The following PLXDC2 variants were observed in gnomAD, a reference collection of about 807,000 sequenced individuals.
The protein encoded by PLXDC2 is plexin domain containing 2, also known as plexin domain-containing protein 2.
Under a neutral mutation model 68.9 loss-of-function variants are expected in PLXDC2, and 40 were observed. The observed-to-expected ratio is 0.58, with a 90% CI of 0.45 to 0.76. The LOEUF (loss-of-function observed/expected upper bound fraction) is 0.76, where lower values mean the gene tolerates loss of function less well. Among genes scored for constraint, PLXDC2 ranks in the 30% least tolerant of loss-of-function variants. The pLI, the probability that PLXDC2 is intolerant of heterozygous loss-of-function variation, is 0.00. For synonymous variants in PLXDC2, 243 were observed against 234.2 expected, an observed-to-expected ratio of 1.04 and a Z score of -0.34; for missense variants, 644 against 661.9, an observed-to-expected ratio of 0.97 and a Z score of 0.30.
chr10:19,900,686 A>G (rs539456753), intron 1 of PLXDC2, among the ~76,000 whole-genome samples: 125 of 151,790 alleles, frequency 8.2e-4, no homozygotes, highest in Middle Eastern at 6.8e-3. Context: ...GTGATTTCTG[A>G]GATTTTGGTG....
At chr10:19,941,009 A>G (rs547785414) in intron 1 of PLXDC2, among the ~76,000 whole-genome samples, 1 of 152,338 alleles carries the variant, frequency 6.6e-6, no homozygotes, top group Admixed American at 6.5e-5. Flanking sequence ...GTAAGTAAAT[A>G]AACTAATAAA....
intron 6 of PLXDC2, among the ~76,000 whole-genome samples, chr10:20,154,689 A>G (rs981069584): frequency 6.6e-5 from 10 of 151,876 alleles, no homozygotes; most frequent in Admixed American, 1.3e-4. Context: ...GACTTGTCTT[A>G]TCTCTATTCT....
chr10:19,839,038 C>T (rs148130202), intron 1 of PLXDC2, among the ~76,000 whole-genome samples: 138 of 152,066 alleles, frequency 9.1e-4, no homozygotes, highest in Non-Finnish European at 1.5e-3. Context: ...ATACAAAAAT[C>T]TTCCAGGCAC....
rs1836208571 is a variant in PLXDC2 at position 20,289,822 on chromosome 10, A to G, written c.*10003A>G. On this transcript the variant is annotated 3_prime_UTR_variant, in exon 14 of 14. Coordinates refer to ENST00000377252, the MANE Select transcript of PLXDC2 (RefSeq NM_032812.9). Reference sequence around the variant, plus strand: ...TTTGGACTGTACTGATTAAACTTTGATATTGTGGAGTAAATTCAGAAGTGC... The same window carrying G: ...TTTGGACTGTACTGATTAAACTTTGGTATTGTGGAGTAAATTCAGAAGTGC... 6.6e-6 allele frequency: 1 copy of G among 152,138 alleles called. No individual in the cohort carries two copies. Among genetic ancestry groups the G allele is most frequent in the South Asian group, 2.1e-4 (1 of 4,822 alleles). The allele number at this position is 152,138 out of a possible 1,614,324, so 9.4% of individuals were successfully genotyped here. A position where few individuals can be genotyped will look rare whatever the true frequency, so the allele number is the denominator to read the frequency against.
intron 2 of PLXDC2, among the ~76,000 whole-genome samples, chr10:20,037,268 G>A (rs1835593349): frequency 6.6e-6 from 1 of 151,296 alleles, no homozygotes; most frequent in South Asian, 2.1e-4. Context: ...ATTTTTTGTT[G>A]GGTTTGTGAA....
chr10:20,021,543 A>T (rs1456485918), intron 2 of PLXDC2, among the ~76,000 whole-genome samples: 2 of 152,020 alleles, frequency 1.3e-5, no homozygotes, highest in South Asian at 2.1e-4. Context: ...TTATTCACAT[A>T]TTAATCCTCA....
intron 9 of PLXDC2, among the ~76,000 whole-genome samples, chr10:20,194,703 G>A (rs1394375104): frequency 6.6e-6 from 1 of 151,712 alleles, no homozygotes; most frequent in Admixed American, 6.6e-5. Flanking sequence ...TGTTACATAT[G>A]TATACATGTG....
At chr10:20,171,009 A>G (rs1834439829) in intron 7 of PLXDC2, among the ~76,000 whole-genome samples, 1 of 152,134 alleles carries the variant, frequency 6.6e-6, no homozygotes. Context: ...TTAAATAACA[A>G]ATTTTCAAAC....
At chr10:20,156,665 T>G (rs1053733750) in intron 6 of PLXDC2, among the ~76,000 whole-genome samples, 1 of 152,108 alleles carries the variant, frequency 6.6e-6, no homozygotes, top group Non-Finnish European at 1.5e-5. Context: ...ATTGTGGAGA[T>G]GGGGGCAGGA....
chr10:19,878,957 G>T (rs1002361080), intron 1 of PLXDC2, among the ~76,000 whole-genome samples: 1 of 152,126 alleles, frequency 6.6e-6, no homozygotes, highest in Non-Finnish European at 1.5e-5. Context: ...CTCCACAAAG[G>T]TATAGAATAT....
At chr10:19,893,146 A>C (rs1837996690) in intron 1 of PLXDC2, among the ~76,000 whole-genome samples, 1 of 152,244 alleles carries the variant, frequency 6.6e-6, no homozygotes, top group African/African-American at 2.4e-5. Context: ...GGGGACGCCT[A>C]GGTGTGGGGA....
intron 2 of PLXDC2, among the ~76,000 whole-genome samples, chr10:20,016,103 A>G (rs957554212): frequency 8.5e-5 from 13 of 152,240 alleles, no homozygotes; most frequent in African/African-American, 3.1e-4. Context: ...CCAAGAAGCC[A>G]TGAAATGACT....
At chr10:20,103,233 C>T (rs761941323) in intron 4 of PLXDC2, among the ~76,000 whole-genome samples, 1 of 151,984 alleles carries the variant, frequency 6.6e-6, no homozygotes. Flanking sequence ...AATATAATGA[C>T]AGTGCATATA....
chr10:20,175,906 C>T (rs182143537), intron 7 of PLXDC2, among the ~76,000 whole-genome samples: 1 of 152,248 alleles, frequency 6.6e-6, no homozygotes, highest in East Asian at 1.9e-4. Flanking sequence ...CTTATCAGTA[C>T]AGGCATTTCA....
intron 2 of PLXDC2, among the ~76,000 whole-genome samples, chr10:20,016,026 T>C (rs1473977877): frequency 6.6e-6 from 1 of 152,224 alleles, no homozygotes; most frequent in Non-Finnish European, 1.5e-5. Context: ...TCTTCTGGAA[T>C]AAGTGAAAGG....
intron 2 of PLXDC2, among the ~76,000 whole-genome samples, chr10:20,044,025 T>C (rs540018060): frequency 5.0e-4 from 76 of 151,946 alleles, no homozygotes; most frequent in African/African-American, 1.7e-3. Context: ...GATTCAAGGT[T>C]TCATGGAAGT....
At chr10:19,984,281 C>T (rs1318374641) in intron 1 of PLXDC2, among the ~76,000 whole-genome samples, 4 of 152,072 alleles carry the variant, frequency 2.6e-5, no homozygotes, top group Non-Finnish European at 4.4e-5. Context: ...GGGGAAGAGG[C>T]AGGATAATGC....
chr10:19,986,393 T>C lies in PLXDC2; in HGVS notation c.113-15382T>C, dbSNP rs114369749. Among the ~76,000 whole-genome samples, 307 of 152,054 alleles carry C rather than the reference T, an allele frequency of 2.0e-3. 1 individual carries two copies. Among genetic ancestry groups the C allele is most frequent in the African/African-American group, 6.6e-3 (275 of 41,468 alleles). ...GTATTTTTGAAAATCCAATAACAGG[T>C]TAACAAATTTAAGGTTTATACAAAT... On this transcript the variant is annotated intron_variant, in intron 1 of 13. Coordinates refer to ENST00000377252, the MANE Select transcript of PLXDC2 (RefSeq NM_032812.9).
intron 6 of PLXDC2, among the ~76,000 whole-genome samples, chr10:20,152,167 C>T (rs989059590): frequency 7.2e-5 from 11 of 152,028 alleles, no homozygotes; most frequent in Admixed American, 4.6e-4. Flanking sequence ...TTTTGCAGTG[C>T]ACACTAAATG....
Sources: gnomAD v4.1 joint callset for allele counts (sites outside exome capture counted in the v4.1 genomes callset) on GRCh38, gnomAD v4.1.1 for gene constraint, MANE v1.5 for transcripts, NCBI Gene and HGNC (gene_info 2026-07-23, HGNC 2026-07-21) for gene names.